The following SUPT3H variants were observed in gnomAD, a reference collection of about 807,000 sequenced individuals.
The protein encoded by SUPT3H is transcription initiation protein SPT3 homolog.
Under a neutral mutation model 44.3 loss-of-function variants are expected in SUPT3H, and 44 were observed. That is an observed-to-expected ratio of 0.99 (90% CI 0.78 to 1.28). The LOEUF is 1.28. SUPT3H is among the 50% of genes most tolerant of loss of function. SUPT3H has a pLI of 0.00. For synonymous variants in SUPT3H, 124 were observed against 125.6 expected (o/e 0.99, Z 0.09); for missense variants, 380 against 387.1 (o/e 0.98, Z 0.15).
chr6:45,080,057 G>GAT (rs1436944892), intron 3 of SUPT3H, among the ~76,000 whole-genome samples: 5 of 152,084 alleles, frequency 3.3e-5, no homozygotes, highest in Non-Finnish European at 5.9e-5. Context: ...CATCTCACAA[G>GAT]GGTTCAATAA....
intron 6 of SUPT3H, among the ~76,000 whole-genome samples, chr6:44,999,513 C>A (rs1183758212): frequency 6.6e-6 from 1 of 152,016 alleles, no homozygotes; most frequent in African/African-American, 2.4e-5. Flanking sequence ...GGTGTGAGGG[C>A]AGATGGAGGC....
rs57414619 is a variant in SUPT3H at position 45,133,069 on chromosome 6, C to A, written c.102-27063G>T. The stretch of plus-strand genomic sequence containing the variant: ...GAGTAATCTTTTAAGAGTAAACATA[C>A]ACACAGACAAAATTAACAGTTATGA... On this transcript the variant is annotated intron_variant, in intron 2 of 10. Transcript: ENST00000371459. Among the ~76,000 whole-genome samples the A allele has an allele frequency of 9.8e-3, 1,487 of 152,210 alleles. 30 individuals are homozygous for A. The highest frequency in any genetic ancestry group is 0.034 in the African/African-American group (1,401 of 41,528).
At position 44,977,468 on chromosome 6, in the gene SUPT3H, A is replaced by T. The variant is rs536310093; in HGVS notation, c.505-15640T>A. Among the ~76,000 whole-genome samples the T allele has an allele frequency of 6.2e-4, 95 of 152,244 alleles. 1 individual carries two copies. Among genetic ancestry groups the T allele is most frequent in the South Asian group, 1.9e-3 (9 of 4,824 alleles). ...TTTTTTAAAAATACTTTTTAAAAAA[A>T]ATTTTTGAACTAATTTTAGATTTGC... On this transcript the variant is annotated intron_variant, in intron 6 of 10. Transcript: ENST00000371459.
At chr6:45,266,826 A>C (rs149611289) in intron 2 of SUPT3H, among the ~76,000 whole-genome samples, 40 of 152,200 alleles carry the variant, frequency 2.6e-4, no homozygotes, top group African/African-American at 9.6e-4. Flanking sequence ...ATATTCAATA[A>C]ATGAGTACAG....
intron 3 of SUPT3H, chr6:45,098,941 G>C (rs561051543): frequency 3.5e-5 from 17 of 487,582 alleles, no homozygotes; most frequent in Admixed American, 8.7e-5. Flanking sequence ...CAGAGGAAAA[G>C]AAAAAGAGAA....
intron 11 of SUPT3H, among the ~76,000 whole-genome samples, chr6:44,817,422 A>G (rs1766986905): frequency 6.6e-6 from 1 of 152,192 alleles, no homozygotes; most frequent in African/African-American, 2.4e-5. Context: ...AGGGAAAAGG[A>G]CAGGATGTCC....
At chr6:44,869,975 C>A (rs1582098231) in intron 10 of SUPT3H, among the ~76,000 whole-genome samples, 1 of 152,306 alleles carries the variant, frequency 6.6e-6, no homozygotes, top group East Asian at 1.9e-4. Flanking sequence ...AAGTAGAAAG[C>A]AAATTATACA....
At chr6:44,830,411 A>C (rs1048626903) in intron 10 of SUPT3H, among the ~76,000 whole-genome samples, 1 of 152,184 alleles carries the variant, frequency 6.6e-6, no homozygotes, top group Non-Finnish European at 1.5e-5. Context: ...AATCTTATAT[A>C]ATTTTATATA....
chr6:45,096,370 T>C (rs1562450525), intron 3 of SUPT3H, among the ~76,000 whole-genome samples: 1 of 152,198 alleles, frequency 6.6e-6, no homozygotes, highest in Non-Finnish European at 1.5e-5. Context: ...GAAAGCTTTA[T>C]ATAGATTTTA....
At chr6:44,918,411 C>T (rs1251538503) in intron 10 of SUPT3H, among the ~76,000 whole-genome samples, 1 of 152,172 alleles carries the variant, frequency 6.6e-6, no homozygotes, top group Non-Finnish European at 1.5e-5. Context: ...AACACTTCTT[C>T]ATCACTTTAG....
chr6:44,888,078 C>G (rs1031326082), intron 10 of SUPT3H, among the ~76,000 whole-genome samples: 4 of 152,186 alleles, frequency 2.6e-5, no homozygotes, highest in African/African-American at 7.2e-5. Flanking sequence ...GAAGTTGAAT[C>G]TCTGAATAGA....
chr6:45,203,440 A>C (rs1008401333), intron 2 of SUPT3H, among the ~76,000 whole-genome samples: 8 of 152,086 alleles, frequency 5.3e-5, no homozygotes, highest in Non-Finnish European at 5.9e-5. Flanking sequence ...TATTCAGACT[A>C]TCTCTCATCT....
rs142869209 is a variant in SUPT3H at position 45,174,736 on chromosome 6, AATTAT to A, written c.102-68735_102-68731del. On this transcript the variant is annotated intron_variant, in intron 2 of 10. Transcript: ENST00000371459. ...TCATCTTCCTGATGTTCTGAAACTA[AATTAT>A]ATTCTCCAAAAGTTTTGCACATATA... 1.8e-4 allele frequency among the ~76,000 whole-genome samples: 26 copies of A among 144,846 alleles called. 2 individuals carry two copies. The East Asian group carries it at 5.0e-3, about 28-fold the overall frequency.
chr6:45,210,239 T>G (rs773886178), intron 2 of SUPT3H, among the ~76,000 whole-genome samples: 12 of 152,110 alleles, frequency 7.9e-5, no homozygotes, highest in Non-Finnish European at 1.6e-4. Flanking sequence ...GCTACAAAGA[T>G]AAAAAGCTAC....
At chr6:45,015,020 G>C in intron 4 of SUPT3H, 129 bp from the exon 5 acceptor site, 1 of 463,972 alleles carries the variant, frequency 2.2e-6, no homozygotes, top group African/African-American at 2.0e-5. Flanking sequence ...GTAATCCTTA[G>C]CATACTGCTA....
At chr6:45,063,436 G>C (rs1792560952) in intron 3 of SUPT3H, among the ~76,000 whole-genome samples, 1 of 149,348 alleles carries the variant, frequency 6.7e-6, no homozygotes, top group South Asian at 2.1e-4. Context: ...CTCCTCACCA[G>C]CAACGGAACA....
intron 2 of SUPT3H, among the ~76,000 whole-genome samples, chr6:45,351,222 T>C (rs1490211989): frequency 1.3e-5 from 2 of 151,934 alleles, no homozygotes; most frequent in Non-Finnish European, 1.5e-5. Context: ...TCTAAATTAG[T>C]GAAAACACTT....
chr6:45,209,226 C>T (rs1261552953), intron 2 of SUPT3H, among the ~76,000 whole-genome samples: 2 of 152,236 alleles, frequency 1.3e-5, no homozygotes, highest in East Asian at 1.9e-4. Flanking sequence ...ATTCTGCAGC[C>T]CATGGATCAA....
At chr6:45,076,028 A>G (rs1794964472) in intron 3 of SUPT3H, among the ~76,000 whole-genome samples, 1 of 152,150 alleles carries the variant, frequency 6.6e-6, no homozygotes. Context: ...TACATTTATT[A>G]ACCTCATAAT....
Sources: gnomAD v4.1 joint callset for allele counts (sites outside exome capture counted in the v4.1 genomes callset) on GRCh38, gnomAD v4.1.1 for gene constraint, MANE v1.5 for transcripts, NCBI Gene and HGNC (gene_info 2026-07-23, HGNC 2026-07-21) for gene names.